KIAA1217: variants seen among roughly 807,000 people sequenced by gnomAD.
The protein encoded by KIAA1217 is KIAA1217.
KIAA1217 carries 88 observed loss-of-function variants against 163.9 expected under a neutral mutation model. That is an observed-to-expected ratio of 0.54 (90% CI 0.45 to 0.64). The LOEUF (loss-of-function observed/expected upper bound fraction) is 0.64, where lower values mean the gene tolerates loss of function less well. Among genes scored for constraint, KIAA1217 ranks in the 30% least tolerant of loss-of-function variants. The pLI, the probability that KIAA1217 is intolerant of heterozygous loss-of-function variation, is 0.00. For synonymous variants in KIAA1217, 903 were observed against 923.1 expected (o/e 0.98, Z 0.39); for missense variants, 2,372 against 2,475.0 (o/e 0.96, Z 0.88).
intron 1 of KIAA1217, among the ~76,000 whole-genome samples, chr10:23,751,224 C>T (rs541268252): frequency 6.6e-6 from 1 of 152,090 alleles, no homozygotes; most frequent in African/African-American, 2.4e-5. Context: ...GCTGGGGTTT[C>T]TCCATGTTGC....
intron 2 of KIAA1217, among the ~76,000 whole-genome samples, chr10:24,189,977 T>C (rs1310314859): frequency 6.7e-6 from 1 of 150,194 alleles, no homozygotes; most frequent in East Asian, 2.0e-4. Context: ...GCTGTGATCA[T>C]ACCACTGTGC....
chr10:24,115,747 G>A (rs985417141), intron 2 of KIAA1217, among the ~76,000 whole-genome samples: 2 of 152,198 alleles, frequency 1.3e-5, no homozygotes, highest in South Asian at 2.1e-4. Context: ...TTTGCATGGC[G>A]CCACCAGGTA....
intron 2 of KIAA1217, among the ~76,000 whole-genome samples, chr10:24,023,667 C>T (rs1251936066): frequency 6.6e-6 from 1 of 151,572 alleles, no homozygotes; most frequent in Non-Finnish European, 1.5e-5. Flanking sequence ...AAAATAAGTG[C>T]TTATGTCCTT....
rs557428812 is a variant in KIAA1217 at position 23,914,698 on chromosome 10, C to T, written c.-320-92527C>T. ...ATGCTGCAGAGTAGTGATCCTCCCT[C>T]CCCTCTTTCACTCCAGCCCAGGTTT... On this transcript the variant is annotated intron_variant, in intron 1 of 18. Transcript: ENST00000376462. Among the ~76,000 whole-genome samples, 4 of 152,266 alleles carry T rather than the reference C, an allele frequency of 2.6e-5. No individual in the cohort carries two copies. The South Asian group carries it at 8.3e-4, about 32-fold the overall frequency.
At chr10:24,466,522 T>A in intron 5 of KIAA1217, 1 of 985,380 alleles carries the variant, frequency 1.0e-6, no homozygotes, top group Non-Finnish European at 1.2e-6. Context: ...GGAAGGTTAC[T>A]TTTTATCCAT....
chr10:23,869,140 T>G (rs866920390), intron 1 of KIAA1217, among the ~76,000 whole-genome samples: 2 of 144,102 alleles, frequency 1.4e-5, no homozygotes, highest in Admixed American at 6.9e-5. Context: ...TTTTTTTTTT[T>G]TTTTTTTTTT....
At chr10:23,771,901 A>G (rs1251714340) in intron 1 of KIAA1217, among the ~76,000 whole-genome samples, 1 of 152,186 alleles carries the variant, frequency 6.6e-6, no homozygotes, top group African/African-American at 2.4e-5. Context: ...GTATTCCTCT[A>G]TATCCTCTTC....
At chr10:24,271,008 C>T (rs1382215713) in intron 2 of KIAA1217, among the ~76,000 whole-genome samples, 1 of 152,182 alleles carries the variant, frequency 6.6e-6, no homozygotes, top group East Asian at 1.9e-4. Flanking sequence ...ATGAGAATTA[C>T]AGGGTTTTCA....
chr10:24,199,887 A>C (rs933031697), intron 2 of KIAA1217, among the ~76,000 whole-genome samples: 2 of 152,146 alleles, frequency 1.3e-5, no homozygotes, highest in Non-Finnish European at 2.9e-5. Context: ...AAAACAGGAA[A>C]TGGCTTTCCC....
At chr10:23,817,167 A>G (rs557405292) in intron 1 of KIAA1217, among the ~76,000 whole-genome samples, 4 of 152,258 alleles carry the variant, frequency 2.6e-5, no homozygotes, top group African/African-American at 9.6e-5. Context: ...AGTAATTTTA[A>G]TTGGTACTTA....
At chr10:23,958,853 T>C (rs1844686501) in intron 1 of KIAA1217, among the ~76,000 whole-genome samples, 1 of 151,624 alleles carries the variant, frequency 6.6e-6, no homozygotes, top group Non-Finnish European at 1.5e-5. Context: ...CGTCAGTTTT[T>C]ACTCTCGCAG....
intron 2 of KIAA1217, among the ~76,000 whole-genome samples, chr10:24,071,834 T>C (rs938882269): frequency 2.6e-5 from 4 of 152,166 alleles, no homozygotes; most frequent in Non-Finnish European, 1.5e-5. Context: ...AATGGGGAAC[T>C]ATAACACAGA....
chr10:23,909,953 A>C (rs181193339), intron 1 of KIAA1217, among the ~76,000 whole-genome samples: 1 of 152,256 alleles, frequency 6.6e-6, no homozygotes, highest in East Asian at 1.9e-4. Context: ...CCTCTCCAGC[A>C]TCTGTCGTTT....
intron 2 of KIAA1217, among the ~76,000 whole-genome samples, chr10:24,292,129 T>C (rs2079142567): frequency 1.3e-5 from 2 of 152,200 alleles, no homozygotes. Context: ...GGAGATATGA[T>C]TGAGGAAATA....
chr10:23,762,120 C>A (rs1446589216), intron 1 of KIAA1217, among the ~76,000 whole-genome samples: 1 of 151,946 alleles, frequency 6.6e-6, no homozygotes, highest in Non-Finnish European at 1.5e-5. Flanking sequence ...TAATAGCCTA[C>A]CAACAACAAC....
At chr10:24,248,720 C>T (rs2074140096) in intron 2 of KIAA1217, among the ~76,000 whole-genome samples, 1 of 148,362 alleles carries the variant, frequency 6.7e-6, no homozygotes, top group African/African-American at 2.5e-5. Flanking sequence ...CTAAACCTTA[C>T]CTCTTGCTAA....
intron 2 of KIAA1217, among the ~76,000 whole-genome samples, chr10:24,169,719 C>G (rs990905813): frequency 4.6e-5 from 7 of 152,052 alleles, no homozygotes; most frequent in Non-Finnish European, 8.8e-5. Context: ...GTTACCAGGA[C>G]CCTTCCAAGG....
intron 2 of KIAA1217, chr10:24,157,833 C>G: frequency 2.0e-6 from 1 of 506,292 alleles, no homozygotes; most frequent in Non-Finnish European, 3.6e-6. Context: ...GTTCCTGATG[C>G]AATGGCAGCC....
chr10:24,130,889 A>G (rs533554483), intron 2 of KIAA1217, among the ~76,000 whole-genome samples: 6 of 152,310 alleles, frequency 3.9e-5, no homozygotes, highest in Admixed American at 2.6e-4. Context: ...ATGACTTTAA[A>G]CTGACGCCTT....
Sources: allele counts gnomAD v4.1 joint callset (sites outside exome capture counted in the v4.1 genomes callset), GRCh38; gene constraint gnomAD v4.1.1; transcripts MANE v1.5; gene names NCBI Gene and HGNC (gene_info 2026-07-23, HGNC 2026-07-21).